The following MAPK4 variants were observed in gnomAD, a reference collection of about 807,000 sequenced individuals.
The protein encoded by MAPK4 is Erk3-related.
Under a neutral mutation model 47.7 loss-of-function variants are expected in MAPK4, and 22 were observed. That is an observed-to-expected ratio of 0.46 (90% CI 0.33 to 0.66). The LOEUF is 0.66. Among genes scored for constraint, MAPK4 ranks in the 30% least tolerant of loss-of-function variants. MAPK4 has a pLI of 0.02. For synonymous variants in MAPK4, 390 were observed against 365.7 expected (o/e 1.07, Z -0.76); for missense variants, 736 against 831.7 (o/e 0.88, Z 1.42).
chr18:50,653,022 GT>G (rs2043066991), intron 1 of MAPK4, among the ~76,000 whole-genome samples: 1 of 151,898 alleles, frequency 6.6e-6, no homozygotes, highest in East Asian at 1.9e-4. Flanking sequence ...GTCTACAAAA[GT>G]TTTAAAAAAG....
At position 50,729,948 on chromosome 18, in the gene MAPK4, C is replaced by G; in HGVS notation, c.*94C>G. Reference sequence around the variant, plus strand: ...CGGCCGCCCTTCCCGCCCCTCTCTGCTGCCTTGGGGTTGGCAGAACACGTG... The same window carrying G: ...CGGCCGCCCTTCCCGCCCCTCTCTGGTGCCTTGGGGTTGGCAGAACACGTG... On this transcript the variant is annotated 3_prime_UTR_variant, in exon 6 of 6. Coordinates refer to ENST00000400384, the MANE Select transcript of MAPK4 (RefSeq NM_002747.4). 1 of 1,325,556 alleles carries G rather than the reference C, an allele frequency of 7.5e-7. No homozygotes were observed. Among genetic ancestry groups the G allele is most frequent in the Non-Finnish European group, 1.0e-6 (1 of 987,516 alleles). The allele number at this position is 1,325,556 out of a possible 1,614,324, so 82.1% of individuals were successfully genotyped here. A position where few individuals can be genotyped will look rare whatever the true frequency, so the allele number is the denominator to read the frequency against.
upstream of MAPK4, among the ~76,000 whole-genome samples, chr18:50,559,736 G>GCTGGA (rs1555642979): frequency 6.6e-6 from 1 of 151,852 alleles, no homozygotes; most frequent in Non-Finnish European, 1.5e-5. Flanking sequence ...CGGAGCCCGA[G>GCTGGA]GATCCCCCAC....
rs3045776 is a variant in MAPK4, at chr18:50,683,453, GGTGTGTGT to G, written c.546+18980_546+18987del. On this transcript the variant is annotated intron_variant, in intron 2 of 5. Coordinates refer to ENST00000400384, the MANE Select transcript of MAPK4 (RefSeq NM_002747.4). ...TGTTCATTATTTTTATTGGTGATGG[GGTGTGTGT>G]GTGTGTGTGTGTGTGTGTGTGTGTG... 6.2e-3 allele frequency among the ~76,000 whole-genome samples: 889 copies of G among 142,250 alleles called. 3 individuals carry two copies. The highest frequency in any genetic ancestry group is 1.0e-2 in the Non-Finnish European group (651 of 65,286). 93.3% of individuals were successfully genotyped at this position (142,250 alleles called of 152,430 possible).
At chr18:50,614,119 A>AT (rs2042663325) in intron 1 of MAPK4, among the ~76,000 whole-genome samples, 1 of 152,186 alleles carries the variant, frequency 6.6e-6, no homozygotes, top group South Asian at 2.1e-4. Flanking sequence ...CTGCTAATGG[A>AT]CAATGTTTGG....
At chr18:50,640,950 A>G (rs963821272) in intron 1 of MAPK4, among the ~76,000 whole-genome samples, 1 of 152,266 alleles carries the variant, frequency 6.6e-6, no homozygotes, top group Non-Finnish European at 1.5e-5. Flanking sequence ...GTCCTATAGC[A>G]AACAAAGATT....
intron 2 of MAPK4, among the ~76,000 whole-genome samples, chr18:50,676,832 G>C (rs1320776740): frequency 6.6e-6 from 1 of 152,180 alleles, no homozygotes; most frequent in East Asian, 1.9e-4. Context: ...TGAAAAGCAA[G>C]ATACAGAATT....
rs770553702 is a variant in MAPK4 at position 50,663,823 on chromosome 18, C to T, written c.-136C>T. 9.7e-5 allele frequency: 69 copies of T among 709,456 alleles called. No homozygotes were observed. In the Admixed American group the frequency reaches 1.3e-3, roughly 13 times the overall value. The allele number at this position is 709,456 out of a possible 1,614,324, so 43.9% of individuals were successfully genotyped here. On this transcript the variant is annotated 5_prime_UTR_variant, in exon 2 of 6. Transcript: ENST00000400384. ...GTCTCCAGAGAGCTGGTGGCAGTGACCTCACTAGGAGAAAACACATCCCTC... is the reference window on the plus strand; with the variant it reads ...GTCTCCAGAGAGCTGGTGGCAGTGATCTCACTAGGAGAAAACACATCCCTC...
At chr18:50,648,666 A>G (rs1189842077) in intron 1 of MAPK4, among the ~76,000 whole-genome samples, 3 of 152,180 alleles carry the variant, frequency 2.0e-5, no homozygotes, top group African/African-American at 7.2e-5. Flanking sequence ...GACAAAAGCT[A>G]GAGGTGGCAT....
intron 1 of MAPK4, chr18:50,629,943 C>A (rs2042814151): frequency 6.6e-6 from 1 of 152,166 alleles, no homozygotes; most frequent in Admixed American, 6.5e-5. Flanking sequence ...TGTTGTAGGA[C>A]CAGGCACGTT....
At position 50,664,633 on chromosome 18, in the gene MAPK4, G is replaced by A. The variant is rs1598885204; in HGVS notation, c.546+129G>A. 9.4e-7 allele frequency: 1 copy of A among 1,059,360 alleles called. No homozygotes were observed. The highest frequency in any genetic ancestry group is 1.3e-6 in the Non-Finnish European group (1 of 751,474). 65.6% of individuals were successfully genotyped at this position (1,059,360 alleles called of 1,614,324 possible). ...AGTTAGTAATTAGGGGAGGCTGGAG[G>A]GTGCTAGGAAGATCACTAGCCTGAA... On this transcript the variant is annotated intron_variant, in intron 2 of 5. Coordinates refer to ENST00000400384, the MANE Select transcript of MAPK4 (RefSeq NM_002747.4). The surrounding 1 kb of genome is among the most constrained non-coding windows in gnomAD (Gnocchi z 6.0).
intron 1 of MAPK4, among the ~76,000 whole-genome samples, chr18:50,659,045 A>T (rs2043141600): frequency 6.6e-6 from 1 of 152,196 alleles, no homozygotes; most frequent in Admixed American, 6.5e-5. Flanking sequence ...GTTCAGGTAT[A>T]TTGTCTGTGG....
At chr18:50,728,462 G>A (rs545864063) in intron 5 of MAPK4, among the ~76,000 whole-genome samples, 28 of 152,320 alleles carry the variant, frequency 1.8e-4, no homozygotes, top group African/African-American at 6.7e-4. Flanking sequence ...AGATCCACCA[G>A]GGCAGGGGTT....
chr18:50,719,705 A>C (rs1426155767), intron 3 of MAPK4, among the ~76,000 whole-genome samples: 1 of 152,228 alleles, frequency 6.6e-6, no homozygotes, highest in Admixed American at 6.5e-5. Flanking sequence ...CCTTCAGGCC[A>C]GACGGAGAAG....
intron 1 of MAPK4, among the ~76,000 whole-genome samples, chr18:50,614,790 C>T (rs914283817): frequency 6.6e-6 from 1 of 152,152 alleles, no homozygotes; most frequent in African/African-American, 2.4e-5. Flanking sequence ...CACACTACTT[C>T]AGTGGTACTG....
intron 1 of MAPK4, among the ~76,000 whole-genome samples, chr18:50,614,786 A>G (rs2042669373): frequency 6.6e-6 from 1 of 152,200 alleles, no homozygotes. Flanking sequence ...TTATCACACT[A>G]CTTCAGTGGT....
At chr18:50,608,473 G>A (rs2042602077) in intron 1 of MAPK4, among the ~76,000 whole-genome samples, 1 of 152,182 alleles carries the variant, frequency 6.6e-6, no homozygotes, top group African/African-American at 2.4e-5. Flanking sequence ...TGAAGATACA[G>A]ATCCACTTCC....
intron 2 of MAPK4, among the ~76,000 whole-genome samples, chr18:50,687,545 C>T (rs963571644): frequency 6.6e-6 from 1 of 152,232 alleles, no homozygotes; most frequent in Admixed American, 6.5e-5. Flanking sequence ...CTCTTTGTGC[C>T]ACCCAGCAAG....
At chr18:50,603,619 A>G (rs1555647158) in intron 1 of MAPK4, among the ~76,000 whole-genome samples, 2 of 152,246 alleles carry the variant, frequency 1.3e-5, no homozygotes, top group Non-Finnish European at 2.9e-5. Flanking sequence ...CAGAATGGGA[A>G]TAAAGCAGTA....
intron 1 of MAPK4, among the ~76,000 whole-genome samples, chr18:50,599,110 T>C (rs753343849): frequency 1.3e-5 from 2 of 152,230 alleles, no homozygotes; most frequent in Non-Finnish European, 2.9e-5. Flanking sequence ...AGGGTGTATC[T>C]GCATGTGTTA....
Sources: gnomAD v4.1 joint callset for allele counts (sites outside exome capture counted in the v4.1 genomes callset) on GRCh38, gnomAD v4.1.1 for gene constraint, Gnocchi (gnomAD v3.1) non-coding constraint, MANE v1.5 for transcripts, NCBI Gene and HGNC (gene_info 2026-07-23, HGNC 2026-07-21) for gene names.